Variants in YIPF7 observed in about 807,000 individuals in gnomAD.
The protein encoded by YIPF7 is Yip1 domain family member 7, also known as protein YIPF7.
A neutral mutation model predicts 27.2 loss-of-function variants in YIPF7; 35 were observed. The ratio of observed to expected loss-of-function variants is 1.29; its 90% CI spans 0.98 to 1.70. YIPF7 has a LOEUF of 1.70. Ranked by LOEUF, YIPF7 falls within the 40% of genes most tolerant of loss-of-function variation. YIPF7 has a pLI of 0.00. For synonymous variants in YIPF7, 137 were observed against 110.4 expected, an observed-to-expected ratio of 1.24 and a Z score of -1.51; for missense variants, 358 against 303.7, an observed-to-expected ratio of 1.18 and a Z score of -1.33.
chr4:44,625,172 G>T (rs1472536024), intron 4 of YIPF7, among the ~76,000 whole-genome samples: 1 of 152,116 alleles, frequency 6.6e-6, no homozygotes, highest in Non-Finnish European at 1.5e-5. Context: ...GATTTACAAG[G>T]CATATTAGTA....
At position 44,650,012 on chromosome 4, in the gene YIPF7, GCATTAGAGT is replaced by G; in HGVS notation, c.80_88del (p.Asp27_Asn29del). On this transcript the variant is annotated inframe_deletion, in exon 2 of 6. Transcript: ENST00000415895. The stretch of plus-strand genomic sequence containing the variant: ...TCTAGATCCATAAAGATTTCCATAG[GCATTAGAGT>G]CATTACCACTCTGCTCCTGGTTATC... 1.9e-6 allele frequency: 3 copies of G among 1,578,034 alleles called. No individual in the cohort carries two copies. Among genetic ancestry groups the G allele is most frequent in the Non-Finnish European group, 2.6e-6 (3 of 1,158,148 alleles).
chr4:44,659,183 G>A (rs1316535949), intron 2 of YIPF7, among the ~76,000 whole-genome samples: 3 of 151,926 alleles, frequency 2.0e-5, no homozygotes, highest in African/African-American at 7.2e-5. Flanking sequence ...GAGCCACAGC[G>A]TACTGGGGTT....
chr4:44,649,924 T>C, intron 2 of YIPF7, 61 bp downstream of exon 2: 2 of 871,544 alleles, frequency 2.3e-6, no homozygotes, highest in Non-Finnish European at 3.5e-6. Context: ...ATTTTTACAA[T>C]ATGTGGGTGA....
intron 2 of YIPF7, among the ~76,000 whole-genome samples, chr4:44,644,533 C>T (rs1196193161): frequency 6.6e-6 from 1 of 152,042 alleles, no homozygotes; most frequent in Non-Finnish European, 1.5e-5. Context: ...CCAATTTATC[C>T]CTTTTAGAAT....
chr4:44,658,960 A>G (rs2109607240), intron 2 of YIPF7, among the ~76,000 whole-genome samples: 1 of 152,280 alleles, frequency 6.6e-6, no homozygotes, highest in African/African-American at 2.4e-5. Context: ...TTGGGCGAGG[A>G]CTCAGCCAAA....
At chr4:44,635,195 C>T (rs540393944) in intron 3 of YIPF7, among the ~76,000 whole-genome samples, 1 of 152,046 alleles carries the variant, frequency 6.6e-6, no homozygotes, top group Non-Finnish European at 1.5e-5. Flanking sequence ...AATTTAAATC[C>T]ACTTGGGTTT....
At chr4:44,657,702 A>T (rs1713938339) in intron 2 of YIPF7, among the ~76,000 whole-genome samples, 2 of 152,184 alleles carry the variant, frequency 1.3e-5, no homozygotes, top group Non-Finnish European at 2.9e-5. Context: ...AAGATTCCTG[A>T]GACCCTCAGA....
intron 3 of YIPF7, among the ~76,000 whole-genome samples, chr4:44,634,053 C>T (rs1179100580): frequency 6.6e-6 from 1 of 152,078 alleles, no homozygotes; most frequent in Non-Finnish European, 1.5e-5. Context: ...TGGGTACATC[C>T]TAAGGACAGA....
At chr4:44,652,267 C>T (rs1377012112), upstream of YIPF7, among the ~76,000 whole-genome samples, 1 of 152,162 alleles carries the variant, frequency 6.6e-6, no homozygotes, top group East Asian at 1.9e-4. Context: ...TTCTCTGTAT[C>T]ACTGGGTCAC....
chr4:44,662,094 C>T (rs532742187), intron 1 of YIPF7, among the ~76,000 whole-genome samples: 3 of 152,314 alleles, frequency 2.0e-5, no homozygotes, highest in African/African-American at 7.2e-5. Context: ...CTGTTCTGTA[C>T]AGCAGTACCC....
intron 2 of YIPF7, among the ~76,000 whole-genome samples, chr4:44,660,122 A>AAAAAAAAAAAAAAAAC (rs1463755067): frequency 6.9e-6 from 1 of 145,514 alleles, no homozygotes; most frequent in Non-Finnish European, 1.5e-5. Context: ...TCAAAAAAAA[A>AAAAAAAAAAAAAAAAC]AAAAAAAAAA....
intron 3 of YIPF7, among the ~76,000 whole-genome samples, chr4:44,633,985 AC>A (rs1713014035): frequency 6.6e-6 from 1 of 152,140 alleles, no homozygotes; most frequent in Admixed American, 6.5e-5. Context: ...GGAGTAGAAC[AC>A]CATTTTTGAG....
chr4:44,637,925 G>A (rs190581514), intron 2 of YIPF7, among the ~76,000 whole-genome samples: 13 of 152,008 alleles, frequency 8.6e-5, no homozygotes, highest in Non-Finnish European at 1.3e-4. Flanking sequence ...CCATTAACTC[G>A]TTCCTTTTTA....
chr4:44,629,190 T>C (rs1326130959), intron 4 of YIPF7: 1 of 456,622 alleles, frequency 2.2e-6, no homozygotes, highest in Non-Finnish European at 3.5e-6. Context: ...GATCTGCTTC[T>C]TGATTTTTGA....
upstream of YIPF7, among the ~76,000 whole-genome samples, chr4:44,654,470 C>A (rs186752136): frequency 6.6e-6 from 1 of 151,786 alleles, no homozygotes; most frequent in African/African-American, 2.4e-5. Context: ...TACCTTCATC[C>A]TTTCCTTCTC....
intron 3 of YIPF7, among the ~76,000 whole-genome samples, chr4:44,635,678 T>C (rs1420865458): frequency 6.6e-6 from 1 of 151,996 alleles, no homozygotes; most frequent in African/African-American, 2.4e-5. Context: ...TAAGAAAGAG[T>C]GAAGGAGCAT....
intron 2 of YIPF7, among the ~76,000 whole-genome samples, chr4:44,659,918 C>G (rs1026465634): frequency 6.6e-6 from 1 of 151,558 alleles, no homozygotes; most frequent in African/African-American, 2.4e-5. Flanking sequence ...TCGAGACCAC[C>G]CTGGCTAACA....
rs773485926 is a variant in YIPF7 at position 44,629,395 on chromosome 4, C to T, written c.426+8G>A. The T allele has an allele frequency of 5.1e-6, 8 of 1,582,830 alleles. No homozygotes were observed. The highest frequency in any genetic ancestry group is 1.7e-4 in the Middle Eastern group (1 of 5,924). On this transcript the variant is annotated splice_region_variant and intron_variant, in intron 4 of 5. Transcript: ENST00000415895. The stretch of plus-strand genomic sequence containing the variant: ...CATTAAAATCTGGTGCTTCCTGTGA[C>T]ACATTACCAGAAGCAAGGTGGCTCC...
At chr4:44,637,783 T>A (rs918155739) in intron 2 of YIPF7, among the ~76,000 whole-genome samples, 3 of 152,154 alleles carry the variant, frequency 2.0e-5, no homozygotes, top group African/African-American at 7.2e-5. Context: ...CCCATTGTAT[T>A]ATTCTTATGC....
Sources: gnomAD v4.1 joint callset for allele counts (sites outside exome capture counted in the v4.1 genomes callset) on GRCh38, gnomAD v4.1.1 for gene constraint, MANE v1.5 for transcripts, NCBI Gene and HGNC (gene_info 2026-07-23, HGNC 2026-07-21) for gene names.